LIPG: variants seen among roughly 807,000 people sequenced by gnomAD.
LIPG encodes endothelial lipase.
Under a neutral mutation model 51.8 loss-of-function variants are expected in LIPG, and 34 were observed. The observed-to-expected ratio is 0.66, with a 90% CI of 0.50 to 0.87. LIPG has a LOEUF of 0.87. LIPG is among the 40% of genes least tolerant of loss of function. The pLI, the probability that LIPG is intolerant of heterozygous loss-of-function variation, is 0.00. For missense variants in LIPG, 580 were observed against 652.7 expected (o/e 0.89, Z 1.21); for synonymous variants, 246 against 246.1 (o/e 1.00, Z 0.00).
chr18:49,565,288 T>G (rs529752129), intron 1 of LIPG, 29 bp from the exon 2 acceptor site: 1 of 1,611,610 alleles, frequency 6.2e-7, no homozygotes, highest in South Asian at 1.1e-5. Flanking sequence ...GTCTGCTAGA[T>G]GCACCCACGC....
chr18:49,581,427 T>A lies in LIPG; in HGVS notation c.806T>A (p.Val269Glu), dbSNP rs770572030. ...CTCCCACCCCCAGCAATCACAGAGG[T>A]GGTAAAATGTGAGCATGAGCGAGCC... ...GSIAYGTITE[V>E]VKCEHERAVH... The change falls in exon 6 of 10, where the codon GTG (valine) becomes GAG (glutamate). Residue 269 changes from valine (V) to glutamate (E), a missense_variant. By Grantham distance (121) the Val-to-Glu change is moderately radical. Coordinates refer to ENST00000261292, the MANE Select transcript of LIPG (RefSeq NM_006033.4). 6.2e-7 allele frequency: 1 copy of A among 1,613,856 alleles called. No homozygotes were observed.
chr18:49,570,312 G>A (rs1428054302), intron 4 of LIPG, among the ~76,000 whole-genome samples: 1 of 152,202 alleles, frequency 6.6e-6, no homozygotes, highest in Non-Finnish European at 1.5e-5. Context: ...ATTGTGAAAA[G>A]TGTAAAAGGT....
intron 7 of LIPG, among the ~76,000 whole-genome samples, chr18:49,582,838 CTAA>C (rs1390991389): frequency 1.3e-5 from 2 of 152,246 alleles, no homozygotes; most frequent in Non-Finnish European, 2.9e-5. Flanking sequence ...TGGACCTCTC[CTAA>C]TGATGTGGCT....
chr18:49,591,849 T>C lies in LIPG; in HGVS notation c.*1327T>C, dbSNP rs3786248. The stretch of plus-strand genomic sequence containing the variant: ...AGGTTCAGCCACATGCCTAGACTTA[T>C]ATACTAGTTAGTGGTGCAGCCAGGG... On this transcript the variant is annotated 3_prime_UTR_variant, in exon 10 of 10. Transcript: ENST00000261292. 7,853 of 152,272 alleles carry C rather than the reference T, an allele frequency of 0.052. 405 individuals are homozygous for C. Among genetic ancestry groups the C allele is most frequent in the East Asian group, 0.2 (1,016 of 5,166 alleles). 9.4% of individuals were successfully genotyped at this position (152,272 alleles called of 1,614,324 possible).
rs116819921 is a variant in LIPG at position 49,592,919 on chromosome 18, A to G, written c.*2397A>G. ...TTATAAAGTTCTTAATGGTCTGACA[A>G]CTCAATTTTTTTTTTTTTTTTTTTT... On this transcript the variant is annotated 3_prime_UTR_variant, in exon 10 of 10. Coordinates refer to ENST00000261292, the MANE Select transcript of LIPG (RefSeq NM_006033.4). 4.5e-3 allele frequency: 665 copies of G among 148,688 alleles called. 8 individuals are homozygous for G. The highest frequency in any genetic ancestry group is 0.016 in the African/African-American group (632 of 40,164). 9.2% of individuals were successfully genotyped at this position (148,688 alleles called of 1,614,324 possible). A position where few individuals can be genotyped will look rare whatever the true frequency, so the allele number is the denominator to read the frequency against.
At chr18:49,578,707 C>T (rs1402260920) in intron 5 of LIPG, among the ~76,000 whole-genome samples, 12 of 150,114 alleles carry the variant, frequency 8.0e-5, no homozygotes, top group East Asian at 4.0e-4. Flanking sequence ...GCCGAGATCA[C>T]GCCACTGCAC....
intron 5 of LIPG, among the ~76,000 whole-genome samples, chr18:49,576,332 T>C (rs78237735): frequency 0.01 from 1,534 of 152,088 alleles, 25 homozygotes; most frequent in African/African-American, 0.035. Context: ...TGCATATTTT[T>C]CCCCCAAATC....
chr18:49,569,301 G>C, intron 3 of LIPG, 136 bp from the exon 4 acceptor site: 2 of 770,470 alleles, frequency 2.6e-6, no homozygotes, highest in South Asian at 2.9e-5. Flanking sequence ...AGCAAAGCCA[G>C]TGGGGCCCTG....
chr18:49,567,612 C>T lies in LIPG; in HGVS notation c.450C>T (p.Asp150=), dbSNP rs1289866715. ...GACACAGCATTGCCAGGATGCTCGA[C>T]TGGCTGCAGGTACTGGGGGATGAGA... ...VVGHSIARML[D]WLQEKDDFSL... The change falls in exon 3 of 10, where the codon GAC becomes GAT. Residue 150 remains aspartate, a synonymous_variant. Transcript: ENST00000261292. 1.2e-6 allele frequency: 2 copies of T among 1,613,952 alleles called. No homozygotes were observed. The highest frequency in any genetic ancestry group is 1.1e-5 in the South Asian group (1 of 91,070).
chr18:49,579,759 C>CT lies in LIPG; in HGVS notation c.794-1653dup, dbSNP rs1568533420. Among the ~76,000 whole-genome samples the CT allele has an allele frequency of 4.5e-3, 493 of 109,570 alleles. 18 individuals carry two copies. Among genetic ancestry groups the CT allele is most frequent in the African/African-American group, 0.019 (411 of 21,692 alleles). 71.9% of individuals were successfully genotyped at this position (109,570 alleles called of 152,430 possible). ...GATGGCCTTTCTTTCCTTTCCTTTC[C>CT]TTTCCTTTCTTTTCTTTTCTTTTCT... On this transcript the variant is annotated intron_variant, in intron 5 of 9. Transcript: ENST00000261292.
At chr18:49,571,737 T>C (rs1031075950) in intron 4 of LIPG, among the ~76,000 whole-genome samples, 24 of 152,166 alleles carry the variant, frequency 1.6e-4, no homozygotes, top group Non-Finnish European at 7.3e-5. Flanking sequence ...GGGTCCTGCG[T>C]CCAGTGATGC....
intron 5 of LIPG, among the ~76,000 whole-genome samples, chr18:49,581,207 C>CG (rs969521148): frequency 3.9e-5 from 6 of 152,188 alleles, no homozygotes; most frequent in Non-Finnish European, 7.4e-5. Flanking sequence ...CTGCTGTGAG[C>CG]GGGGGGTCGT....
In LIPG at chr18:49,593,691, C is replaced by T. The variant is rs781367816; in HGVS notation, c.*3169C>T. ...CCACAGCCCAGGGGTCCCCTACCAGCCAATGGAAAGCCAGAAAAGGGAAGG... is the reference window on the plus strand; with the variant it reads ...CCACAGCCCAGGGGTCCCCTACCAGTCAATGGAAAGCCAGAAAAGGGAAGG... On this transcript the variant is annotated 3_prime_UTR_variant, in exon 10 of 10. Coordinates refer to ENST00000261292, the MANE Select transcript of LIPG (RefSeq NM_006033.4). 1 of 152,158 alleles carries T rather than the reference C, an allele frequency of 6.6e-6. No individual in the cohort carries two copies. Among genetic ancestry groups the T allele is most frequent in the African/African-American group, 2.4e-5 (1 of 41,404 alleles). The allele number at this position is 152,158 out of a possible 1,614,324, so 9.4% of individuals were successfully genotyped here. A position where few individuals can be genotyped will look rare whatever the true frequency, so the allele number is the denominator to read the frequency against.
rs543959974 is a variant in LIPG, at chr18:49,593,920, A to T, written c.*3398A>T. The T allele has an allele frequency of 3.3e-5, 5 of 152,352 alleles. 1 individual carries two copies. Among genetic ancestry groups the T allele is most frequent in the Admixed American group, 6.5e-5 (1 of 15,312 alleles). 9.4% of individuals were successfully genotyped at this position (152,352 alleles called of 1,614,324 possible). On this transcript the variant is annotated 3_prime_UTR_variant, in exon 10 of 10. Transcript: ENST00000261292. ...TTGTGGGGAAAATAGTGATGTTTCGATACATACAAGGTATAGTGATCATGT... is the reference window on the plus strand; with the variant it reads ...TTGTGGGGAAAATAGTGATGTTTCGTTACATACAAGGTATAGTGATCATGT...
At chr18:49,568,204 G>A (rs994026991) in intron 3 of LIPG, among the ~76,000 whole-genome samples, 3 of 151,808 alleles carry the variant, frequency 2.0e-5, no homozygotes, top group Non-Finnish European at 2.9e-5. Context: ...TAATTTTTTT[G>A]TATTTTTAGT....
At chr18:49,586,916 T>TA in intron 9 of LIPG, 66 bp downstream of exon 9, 3 of 1,167,258 alleles carry the variant, frequency 2.6e-6, no homozygotes, top group Non-Finnish European at 3.9e-6. Context: ...TAGCATGTGC[T>TA]GGGGATGGAT....
intron 5 of LIPG, among the ~76,000 whole-genome samples, chr18:49,578,432 G>A (rs747848632): frequency 8.4e-5 from 10 of 118,934 alleles, no homozygotes; most frequent in Non-Finnish European, 1.1e-4. Context: ...ATGGGCGGCC[G>A]GGCAGAGACG....
At chr18:49,579,831 TTGATGG>T (rs2084799872) in intron 5 of LIPG, among the ~76,000 whole-genome samples, 1 of 150,314 alleles carries the variant, frequency 6.7e-6, no homozygotes, top group African/African-American at 2.5e-5. Context: ...TACTTTACTT[TTGATGG>T]AGTTTCACTC....
chr18:49,568,395 T>G (rs756359921), intron 3 of LIPG, among the ~76,000 whole-genome samples: 3 of 150,840 alleles, frequency 2.0e-5, no homozygotes, highest in Non-Finnish European at 4.4e-5. Context: ...ATTTACTTTT[T>G]TTTTTGAGAC....
Sources: gnomAD v4.1 joint callset for allele counts (sites outside exome capture counted in the v4.1 genomes callset) on GRCh38, gnomAD v4.1.1 for gene constraint, MANE v1.5 for transcripts, NCBI Gene and HGNC (gene_info 2026-07-23, HGNC 2026-07-21) for gene names.